The following CLVS2 variants were observed in gnomAD, a reference collection of about 807,000 sequenced individuals.
CLVS2 encodes clavesin 2.
Under a neutral mutation model 29.0 loss-of-function variants are expected in CLVS2, and 19 were observed. The observed-to-expected ratio is 0.66, with a 90% CI of 0.46 to 0.96. CLVS2 has a LOEUF of 0.96. Among genes scored for constraint, CLVS2 ranks in the 40% least tolerant of loss-of-function variants. The pLI is 0.00. For missense variants in CLVS2, 294 were observed against 404.1 expected (o/e 0.73, Z 2.34); for synonymous variants, 161 against 151.3 (o/e 1.06, Z -0.47).
At chr6:123,063,289 C>G (rs973233321) in intron 5 of CLVS2, among the ~76,000 whole-genome samples, 2 of 151,916 alleles carry the variant, frequency 1.3e-5, no homozygotes, top group Non-Finnish European at 2.9e-5. Flanking sequence ...TTTAGTTTAT[C>G]ATAATAATCA....
At chr6:123,044,448 G>GT (rs1472059026) in intron 3 of CLVS2, among the ~76,000 whole-genome samples, 1 of 151,960 alleles carries the variant, frequency 6.6e-6, no homozygotes, top group Non-Finnish European at 1.5e-5. Flanking sequence ...TATGGCCTGT[G>GT]TTTTTTTCCA....
chr6:123,063,393 CCTAA>C (rs1346372614), intron 5 of CLVS2, among the ~76,000 whole-genome samples: 1 of 151,984 alleles, frequency 6.6e-6, no homozygotes, highest in Non-Finnish European at 1.5e-5. Context: ...AAGAATCTTC[CCTAA>C]CTGTGAAGAG....
At chr6:123,058,542 G>A (rs1772727890) in intron 5 of CLVS2, among the ~76,000 whole-genome samples, 1 of 152,122 alleles carries the variant, frequency 6.6e-6, no homozygotes, top group Non-Finnish European at 1.5e-5. Flanking sequence ...TGTTCTTGTT[G>A]ATTCCAGCCT....
chr6:122,997,753 G>A lies in CLVS2; in HGVS notation c.-25G>A. On this transcript the variant is annotated 5_prime_UTR_variant, in exon 2 of 6. Coordinates refer to ENST00000275162, the MANE Select transcript of CLVS2 (RefSeq NM_001010852.4). ...GGGACAGTCAACAAGGTCTTCTGAGGGAAAGCTCAGAGATAGGCAGAACAA... is the reference window on the plus strand; with the variant it reads ...GGGACAGTCAACAAGGTCTTCTGAGAGAAAGCTCAGAGATAGGCAGAACAA... The A allele has an allele frequency of 6.2e-7, 1 of 1,606,082 alleles. No homozygotes were observed. The highest frequency in any genetic ancestry group is 8.5e-7 in the Non-Finnish European group (1 of 1,176,272).
intron 2 of CLVS2, among the ~76,000 whole-genome samples, chr6:123,010,732 G>T (rs1774736056): frequency 6.6e-6 from 1 of 152,084 alleles, no homozygotes; most frequent in Admixed American, 6.6e-5. Context: ...AAGAAGGCCT[G>T]GAGGTAAACT....
At chr6:123,024,627 C>T (rs1014356422) in intron 3 of CLVS2, among the ~76,000 whole-genome samples, 66 of 152,084 alleles carry the variant, frequency 4.3e-4, no homozygotes, top group African/African-American at 1.5e-3. Context: ...TTCAATATCT[C>T]AGGCATTTGA....
At chr6:123,008,139 G>A (rs941131008) in intron 2 of CLVS2, among the ~76,000 whole-genome samples, 1 of 151,944 alleles carries the variant, frequency 6.6e-6, no homozygotes, top group East Asian at 1.9e-4. Context: ...AGTTAAGAGT[G>A]GTTTTGACCT....
At chr6:123,036,180 A>G (rs1200701350) in intron 3 of CLVS2, among the ~76,000 whole-genome samples, 1 of 152,188 alleles carries the variant, frequency 6.6e-6, no homozygotes, top group Non-Finnish European at 1.5e-5. Flanking sequence ...ATGATGGTTC[A>G]ACAACTTGTT....
At chr6:122,999,191 T>C (rs181686904) in intron 2 of CLVS2, among the ~76,000 whole-genome samples, 2 of 152,212 alleles carry the variant, frequency 1.3e-5, no homozygotes, top group African/African-American at 4.8e-5. Flanking sequence ...TGACTTTCAA[T>C]GCATCTGGTT....
intron 4 of CLVS2, among the ~76,000 whole-genome samples, chr6:123,054,065 G>A (rs1025849263): frequency 1.3e-5 from 2 of 152,142 alleles, no homozygotes; most frequent in African/African-American, 4.8e-5. Context: ...GAGTGTTAGA[G>A]AAGAGAGAGG....
At position 122,997,997 on chromosome 6, in the gene CLVS2, C is replaced by T; in HGVS notation, c.220C>T (p.Gln74Ter). 6.2e-7 allele frequency: 1 copy of T among 1,614,102 alleles called. No homozygotes were observed. The highest frequency in any genetic ancestry group is 2.2e-5 in the East Asian group (1 of 44,868). Residue 74 changes from glutamine to a stop codon, truncating the protein, a stop_gained, in exon 2 of 6, where the codon CAG (glutamine) becomes TAG (stop). Coordinates refer to ENST00000275162, the MANE Select transcript of CLVS2 (RefSeq NM_001010852.4). LOFTEE classifies it high-confidence loss of function. The part of the protein sequence containing the change: ...HHFEAFRLLA[Q>*]YFEYRQQNLD... ...CTTTGAGGCCTTCCGCCTCCTGGCG[C>T]AGTACTTTGAGTACCGGCAGCAGAA...
chr6:123,019,634 GA>G (rs1359172341), intron 3 of CLVS2, among the ~76,000 whole-genome samples: 1 of 151,208 alleles, frequency 6.6e-6, no homozygotes, highest in East Asian at 2.0e-4. Context: ...AATTTAAAAA[GA>G]AAAAAAAGGT....
intron 2 of CLVS2, among the ~76,000 whole-genome samples, chr6:123,010,237 C>T (rs1774729563): frequency 6.6e-6 from 1 of 151,968 alleles, no homozygotes; most frequent in South Asian, 2.1e-4. Flanking sequence ...GAAGCAGTGT[C>T]TTAATCTCCA....
intron 3 of CLVS2, among the ~76,000 whole-genome samples, chr6:123,030,372 T>C (rs1049121052): frequency 6.6e-6 from 1 of 152,202 alleles, no homozygotes; most frequent in Non-Finnish European, 1.5e-5. Flanking sequence ...TGTCTAATGT[T>C]CTGTTTTAAT....
At chr6:123,009,135 A>C (rs1020951851) in intron 2 of CLVS2, among the ~76,000 whole-genome samples, 1 of 152,006 alleles carries the variant, frequency 6.6e-6, no homozygotes, top group Admixed American at 6.6e-5. Flanking sequence ...AAATTGCACA[A>C]ATGTTTTCAC....
At chr6:123,022,528 G>T (rs1184631367) in intron 3 of CLVS2, among the ~76,000 whole-genome samples, 1 of 151,878 alleles carries the variant, frequency 6.6e-6, no homozygotes, top group Non-Finnish European at 1.5e-5. Flanking sequence ...TTTCTATATG[G>T]TAATTGTTGT....
intron 2 of CLVS2, among the ~76,000 whole-genome samples, chr6:122,999,091 A>G (rs1205008992): frequency 6.6e-6 from 1 of 152,220 alleles, no homozygotes; most frequent in Non-Finnish European, 1.5e-5. Flanking sequence ...AAAGTTAAAT[A>G]TATTTCATGG....
intron 5 of CLVS2, among the ~76,000 whole-genome samples, chr6:123,061,451 A>G (rs982910790): frequency 6.6e-6 from 1 of 152,194 alleles, no homozygotes; most frequent in East Asian, 1.9e-4. Context: ...CTAAAAAAAA[A>G]TTGGACTAAA....
rs1772961807 is a variant in CLVS2, at chr6:123,072,270, A to G, written c.*8509A>G. 6.6e-6 allele frequency: 1 copy of G among 152,144 alleles called. No homozygotes were observed. The highest frequency in any genetic ancestry group is 6.5e-5 in the Admixed American group (1 of 15,270). The allele number at this position is 152,144 out of a possible 1,614,324, so 9.4% of individuals were successfully genotyped here. ...ATCAGCAGGTGATGTTGAAGAAGAA[A>G]TATAACCTGAAATATAAGAATAGAT... On this transcript the variant is annotated 3_prime_UTR_variant, in exon 6 of 6. Coordinates refer to ENST00000275162, the MANE Select transcript of CLVS2 (RefSeq NM_001010852.4).
Sources: gnomAD v4.1 joint callset for allele counts (sites outside exome capture counted in the v4.1 genomes callset) on GRCh38, gnomAD v4.1.1 for gene constraint, MANE v1.5 for transcripts, NCBI Gene and HGNC (gene_info 2026-07-23, HGNC 2026-07-21) for gene names.